PTPRN2: variants seen among roughly 807,000 people sequenced by gnomAD.
PTPRN2 encodes the protein receptor-type tyrosine-protein phosphatase N2.
A neutral mutation model predicts 118.8 loss-of-function variants in PTPRN2; 74 were observed. That is an observed-to-expected ratio of 0.62 (90% CI 0.52 to 0.76). The LOEUF (loss-of-function observed/expected upper bound fraction) is 0.76, where lower values mean the gene tolerates loss of function less well. PTPRN2 is among the 30% of genes least tolerant of loss of function. The pLI is 0.00. For synonymous variants in PTPRN2, 641 were observed against 608.0 expected, an observed-to-expected ratio of 1.05 and a Z score of -0.80; for missense variants, 1,481 against 1,394.4, an observed-to-expected ratio of 1.06 and a Z score of -0.99.
At chr7:158,294,667 C>G (rs1800341012) in intron 3 of PTPRN2, among the ~76,000 whole-genome samples, 1 of 141,108 alleles carries the variant, frequency 7.1e-6, no homozygotes, top group South Asian at 2.4e-4. Flanking sequence ...GAGGAGTGTT[C>G]CCGGGGGAGA....
chr7:158,309,435 GCTCCTCAGGGCCTAT>G (rs1801535681), intron 3 of PTPRN2, among the ~76,000 whole-genome samples: 1 of 152,162 alleles, frequency 6.6e-6, no homozygotes, highest in South Asian at 2.1e-4. Context: ...TGGCTTCCTT[GCTCCTCAGGGCCTAT>G]TATGGGACCT....
intron 2 of PTPRN2, among the ~76,000 whole-genome samples, chr7:158,440,811 GGTA>G (rs140454375): frequency 0.1 from 12,038 of 118,376 alleles, 915 homozygotes; most frequent in African/African-American, 0.2. Flanking sequence ...TGGTGATGGT[GGTA>G]GTAGTAGTGG....
At chr7:158,016,523 C>A (rs1408881711) in intron 11 of PTPRN2, among the ~76,000 whole-genome samples, 1 of 152,204 alleles carries the variant, frequency 6.6e-6, no homozygotes, top group East Asian at 1.9e-4. Flanking sequence ...CACACACACC[C>A]ATCAGATTAG....
chr7:158,374,672 T>A, intron 2 of PTPRN2, among the ~76,000 whole-genome samples: 1 of 151,988 alleles, frequency 6.6e-6, no homozygotes, highest in East Asian at 1.9e-4. Flanking sequence ...ACACAGCAAG[T>A]GGACAGATGG....
chr7:158,541,425 C>T, intron 1 of PTPRN2: 1 of 1,344,630 alleles, frequency 7.4e-7, no homozygotes, highest in Non-Finnish European at 9.8e-7. Flanking sequence ...CACCCGGTTA[C>T]CTGCCCACAT....
chr7:157,571,182 T>G (rs1208302928), intron 20 of PTPRN2, among the ~76,000 whole-genome samples: 1 of 131,514 alleles, frequency 7.6e-6, no homozygotes, highest in East Asian at 2.1e-4. Flanking sequence ...GCCATTGCAC[T>G]GCAGCGTGGG....
At chr7:157,688,484 G>A (rs1797302198) in intron 12 of PTPRN2, among the ~76,000 whole-genome samples, 1 of 152,218 alleles carries the variant, frequency 6.6e-6, no homozygotes, top group African/African-American at 2.4e-5. Context: ...CTCTCCGCTG[G>A]CGTTTTCATG....
chr7:158,150,878 C>G (rs887616434), intron 6 of PTPRN2, among the ~76,000 whole-genome samples: 3 of 152,056 alleles, frequency 2.0e-5, no homozygotes, highest in Non-Finnish European at 2.9e-5. Flanking sequence ...ACCCAACGTG[C>G]TGGTGGAATT....
At chr7:157,995,544 T>A (rs1301993214) in intron 11 of PTPRN2, among the ~76,000 whole-genome samples, 1 of 152,272 alleles carries the variant, frequency 6.6e-6, no homozygotes, top group Non-Finnish European at 1.5e-5. Flanking sequence ...CCCCAAGGTT[T>A]GTTGCCATGA....
At chr7:158,203,796 C>T (rs1270676826) in intron 4 of PTPRN2, among the ~76,000 whole-genome samples, 1 of 152,224 alleles carries the variant, frequency 6.6e-6, no homozygotes, top group Non-Finnish European at 1.5e-5. Flanking sequence ...AAATTCAACA[C>T]AGCTCAAGTT....
rs1827621066 is a variant in PTPRN2 at position 158,565,537 on chromosome 7, GA to G, written c.112+22020del. 6.6e-6 allele frequency among the ~76,000 whole-genome samples: 1 copy of G among 152,162 alleles called. No individual in the cohort carries two copies. The highest frequency in any genetic ancestry group is 1.5e-5 in the Non-Finnish European group (1 of 68,028). On this transcript the variant is annotated intron_variant, in intron 1 of 22. Coordinates refer to ENST00000389418, the MANE Select transcript of PTPRN2 (RefSeq NM_002847.5). This position sits in a 1 kb window ranked among gnomAD's most constrained non-coding sequence, Gnocchi z 4.6. ...AAACAGGGCCTCAGCTCAATGGTGA[GA>G]AATCTTAACTCGGACGGCAAACTTC...
intron 12 of PTPRN2, among the ~76,000 whole-genome samples, chr7:157,895,995 G>A (rs756523177): frequency 3.3e-5 from 5 of 152,122 alleles, no homozygotes; most frequent in East Asian, 3.9e-4. Flanking sequence ...AGGGGCCTGA[G>A]TGAAAGGGAG....
intron 1 of PTPRN2, among the ~76,000 whole-genome samples, chr7:158,582,085 T>A (rs1005735790): frequency 2.0e-5 from 3 of 152,344 alleles, no homozygotes; most frequent in African/African-American, 7.2e-5. Context: ...GTTTCCACAC[T>A]GTTTCCAAGC....
chr7:158,205,891 T>C (rs1827102093), intron 3 of PTPRN2, among the ~76,000 whole-genome samples: 1 of 152,128 alleles, frequency 6.6e-6, no homozygotes, highest in Non-Finnish European at 1.5e-5. Context: ...AGACCAGCCC[T>C]AGACAGAGCA....
rs1345273446 is a variant in PTPRN2 at position 158,244,571 on chromosome 7, TGA to T, written c.278-39300_278-39299del. ...TTTTTGTGTGTGTTTTGTGTGAAAA[TGA>T]GTGTGTGAGCGTGAGTTTTGTCTGA... On this transcript the variant is annotated intron_variant, in intron 3 of 22. Transcript: ENST00000389418. 9.2e-5 allele frequency among the ~76,000 whole-genome samples: 14 copies of T among 151,994 alleles called. 1 individual carries two copies. Among genetic ancestry groups the T allele is most frequent in the Admixed American group, 3.9e-4 (6 of 15,260 alleles).
chr7:157,998,296 G>A (rs1233592166), intron 11 of PTPRN2, among the ~76,000 whole-genome samples: 1 of 152,182 alleles, frequency 6.6e-6, no homozygotes, highest in East Asian at 1.9e-4. Flanking sequence ...TAGGAAAAGA[G>A]CCATGAAATA....
rs1421179699 is a variant in PTPRN2 at position 157,610,366 on chromosome 7, G to A, written c.2345-6291C>T. 1.3e-5 allele frequency among the ~76,000 whole-genome samples: 2 copies of A among 152,232 alleles called. No individual in the cohort carries two copies. Among genetic ancestry groups the A allele is most frequent in the African/African-American group, 4.8e-5 (2 of 41,456 alleles). The stretch of plus-strand genomic sequence containing the variant: ...TGAAGGTTTAGGCTCAGTCATTTAT[G>A]CTGGCAGGAGGCCCTCTTCTTCATG... On this transcript the variant is annotated intron_variant, in intron 15 of 22. Coordinates refer to ENST00000389418, the MANE Select transcript of PTPRN2 (RefSeq NM_002847.5). The surrounding 1 kb of genome is among the most constrained non-coding windows in gnomAD (Gnocchi z 5.1).
At chr7:157,819,775 C>A (rs1806689055) in intron 12 of PTPRN2, among the ~76,000 whole-genome samples, 1 of 151,998 alleles carries the variant, frequency 6.6e-6, no homozygotes, top group African/African-American at 2.4e-5. Context: ...CAGCCATGGG[C>A]ACACACACAA....
At chr7:157,630,764 T>A (rs1803893356) in intron 14 of PTPRN2, among the ~76,000 whole-genome samples, 1 of 152,122 alleles carries the variant, frequency 6.6e-6, no homozygotes, top group Non-Finnish European at 1.5e-5. Context: ...CAAAAAGAAG[T>A]AGAAATGGGA....
Sources: gnomAD v4.1 joint callset for allele counts (sites outside exome capture counted in the v4.1 genomes callset) on GRCh38, gnomAD v4.1.1 for gene constraint, Gnocchi (gnomAD v3.1) non-coding constraint, MANE v1.5 for transcripts, NCBI Gene and HGNC (gene_info 2026-07-23, HGNC 2026-07-21) for gene names.